The following CDK5RAP2 variants were observed in gnomAD, a reference collection of about 807,000 sequenced individuals.
CDK5RAP2 encodes CDK5 regulatory subunit associated protein 2.
Under a neutral mutation model 232.9 loss-of-function variants are expected in CDK5RAP2, and 147 were observed. The ratio of observed to expected loss-of-function variants is 0.63; its 90% CI spans 0.55 to 0.72. The LOEUF (loss-of-function observed/expected upper bound fraction) is 0.72. CDK5RAP2 is among the 30% of genes least tolerant of loss of function. CDK5RAP2 has a pLI of 0.00. For synonymous variants in CDK5RAP2, 833 were observed against 833.7 expected (o/e 1.00, Z 0.01); for missense variants, 2,195 against 2,231.5 (o/e 0.98, Z 0.33).
intron 26 of CDK5RAP2, 83 bp downstream of exon 26, chr9:120,422,610 G>A: frequency 9.6e-7 from 1 of 1,045,180 alleles, no homozygotes; most frequent in Non-Finnish European, 1.5e-6. Context: ...GAATGGGAAG[G>A]AGCCAAAATA....
intron 22 of CDK5RAP2, 107 bp from the exon 23 acceptor site, chr9:120,443,849 C>T (rs2036038567): frequency 5.5e-6 from 8 of 1,449,642 alleles, no homozygotes; most frequent in Non-Finnish European, 7.6e-6. Context: ...AATAAAAACA[C>T]TGGGGAGGCA....
intron 7 of CDK5RAP2, among the ~76,000 whole-genome samples, chr9:120,535,881 T>C (rs1444494275): frequency 6.6e-6 from 1 of 152,216 alleles, no homozygotes; most frequent in Non-Finnish European, 1.5e-5. Flanking sequence ...TTAAAAGATA[T>C]AATGGAATAT....
At chr9:120,487,266 G>C in intron 14 of CDK5RAP2, 28 bp downstream of exon 14, 1 of 1,613,054 alleles carries the variant, frequency 6.2e-7, no homozygotes, top group Non-Finnish European at 8.5e-7. Flanking sequence ...CCATTCGCAT[G>C]TGAATGTCCA....
chr9:120,579,536 T>C (rs1330555968), intron 1 of CDK5RAP2, among the ~76,000 whole-genome samples: 2 of 152,048 alleles, frequency 1.3e-5, no homozygotes, highest in Non-Finnish European at 2.9e-5. Context: ...GGCTACACTC[T>C]CTCCATAATG....
intron 5 of CDK5RAP2, among the ~76,000 whole-genome samples, chr9:120,539,891 C>T (rs1350366977): frequency 1.3e-5 from 2 of 152,176 alleles, no homozygotes; most frequent in Non-Finnish European, 2.9e-5. Flanking sequence ...GGGCAGAGAG[C>T]TGGTCTGACA....
Position 120,529,962 on chromosome 9 carries a change from T to A in CDK5RAP2, c.825+16A>T. 6.2e-7 allele frequency: 1 copy of A among 1,613,408 alleles called. No individual in the cohort carries two copies. Among genetic ancestry groups the A allele is most frequent in the Non-Finnish European group, 8.5e-7 (1 of 1,179,642 alleles). On this transcript the variant is annotated intron_variant, in intron 8 of 37. Transcript: ENST00000349780. The stretch of plus-strand genomic sequence containing the variant: ...TTGGCTAATTAAAGCCCCCTCTTCA[T>A]GTCCTGTCACCTCACCTCAGTTTCT...
At chr9:120,517,963 CAA>C in intron 12 of CDK5RAP2, 6 of 216,936 alleles carry the variant, frequency 2.8e-5, no homozygotes, top group Non-Finnish European at 5.8e-5. Context: ...AGTCATAAGG[CAA>C]AAAAAAAGTA....
chr9:120,488,771 G>A (rs577905364), intron 13 of CDK5RAP2, among the ~76,000 whole-genome samples: 6 of 152,174 alleles, frequency 3.9e-5, no homozygotes, highest in Non-Finnish European at 8.8e-5. Flanking sequence ...TAGCCATATG[G>A]TGTTCCGTGA....
chr9:120,528,627 T>G, intron 9 of CDK5RAP2, 117 bp downstream of exon 9: 1 of 734,178 alleles, frequency 1.4e-6, no homozygotes, highest in Non-Finnish European at 2.5e-6. Context: ...TGGCATACAG[T>G]AGCATTCAAT....
At chr9:120,551,502 GA>G (rs1321700001) in intron 3 of CDK5RAP2, among the ~76,000 whole-genome samples, 2 of 152,154 alleles carry the variant, frequency 1.3e-5, no homozygotes, top group Non-Finnish European at 2.9e-5. Flanking sequence ...TTTTCCTCCT[GA>G]AATAAATCAA....
Position 120,402,921 on chromosome 9 carries a change from A to G in CDK5RAP2, c.5192T>C (p.Ile1731Thr), listed in dbSNP as rs1469517516. 3 of 1,614,010 alleles carry G rather than the reference A, an allele frequency of 1.9e-6. No individual in the cohort carries two copies. The highest frequency in any genetic ancestry group is 1.7e-5 in the Admixed American group (1 of 60,006). The change falls in exon 34 of 38, where the codon ATT (isoleucine) becomes ACT (threonine). Residue 1731 changes from isoleucine to threonine, a missense_variant. Coordinates refer to ENST00000349780, the MANE Select transcript of CDK5RAP2 (RefSeq NM_018249.6). ...SKNGRHVLGL[I>T]EDYEALLKQI... ...TTTGAGCAGGGCCTCATAGTCCTCA[A>G]TCAGGCCCAGGACATGGCGGCCATT...
chr9:120,547,470 G>A (rs901973347), intron 4 of CDK5RAP2, among the ~76,000 whole-genome samples: 1 of 152,056 alleles, frequency 6.6e-6, no homozygotes, highest in Non-Finnish European at 1.5e-5. Context: ...CAGGAGTGGT[G>A]GCACATGCCT....
chr9:120,467,861 T>C lies in CDK5RAP2; in HGVS notation c.2105A>G (p.Glu702Gly), dbSNP rs752969694. Residue 702 changes from glutamate (E) to glycine (G), a missense_variant and splice_region_variant, in exon 18 of 38, where the codon GAG (glutamate) becomes GGG (glycine). Coordinates refer to ENST00000349780, the MANE Select transcript of CDK5RAP2 (RefSeq NM_018249.6). Reference sequence around the variant, plus strand: ...CATGACAACAAAAATGTTTCTTACCTCTGTTTGTTCTGTAGACGCAAGTCT... The same window carrying C: ...CATGACAACAAAAATGTTTCTTACCCCTGTTTGTTCTGTAGACGCAAGTCT... ...PDRLASTEQTELLASKEDEDT... is the reference protein window; with the variant it reads ...PDRLASTEQTGLLASKEDEDT... 6.2e-7 allele frequency: 1 copy of C among 1,613,990 alleles called. No individual in the cohort carries two copies. The highest frequency in any genetic ancestry group is 2.2e-5 in the East Asian group (1 of 44,888).
At chr9:120,486,892 T>C (rs966277495) in intron 14 of CDK5RAP2, among the ~76,000 whole-genome samples, 1 of 152,114 alleles carries the variant, frequency 6.6e-6, no homozygotes, top group Non-Finnish European at 1.5e-5. Flanking sequence ...TATAAGAAAT[T>C]TGCTATTGCT....
Position 120,580,096 on chromosome 9 carries a change from G to A in CDK5RAP2, c.-118C>T. ...CCCCCTCCACCCCAGCTCTTGTTCA[G>A]ACTCTGGCGGCGCCGCTGGAATTCA... is the stretch of plus-strand genomic sequence containing the variant. On this transcript the variant is annotated 5_prime_UTR_variant, in exon 1 of 38. Transcript: ENST00000349780. 2 of 615,218 alleles carry A rather than the reference G, an allele frequency of 3.3e-6. No individual in the cohort carries two copies. Among genetic ancestry groups the A allele is most frequent in the Non-Finnish European group, 5.9e-6 (2 of 340,188 alleles). The allele number at this position is 615,218 out of a possible 1,614,324, so 38.1% of individuals were successfully genotyped here.
At chr9:120,417,666 C>A (rs757820066) in intron 27 of CDK5RAP2, among the ~76,000 whole-genome samples, 2 of 152,136 alleles carry the variant, frequency 1.3e-5, no homozygotes, top group Non-Finnish European at 2.9e-5. Context: ...AATTATACAG[C>A]CAAACTGAAG....
At chr9:120,406,393 G>A (rs1006267795) in intron 32 of CDK5RAP2, 2 of 152,824 alleles carry the variant, frequency 1.3e-5, no homozygotes, top group African/African-American at 4.8e-5. Flanking sequence ...CTTTGGGCAA[G>A]CCCCATCCAC....
At chr9:120,434,207 T>C (rs186858904) in intron 25 of CDK5RAP2, among the ~76,000 whole-genome samples, 8 of 152,204 alleles carry the variant, frequency 5.3e-5, no homozygotes, top group Non-Finnish European at 1.0e-4. Context: ...GTTAATATGA[T>C]GACATTTGAG....
rs115490219 is a variant in CDK5RAP2 at position 120,535,859 on chromosome 9, C to T, written c.662+513G>A. 2.2e-3 allele frequency among the ~76,000 whole-genome samples: 337 copies of T among 152,244 alleles called. 2 individuals are homozygous for T. Among genetic ancestry groups the T allele is most frequent in the African/African-American group, 7.5e-3 (313 of 41,534 alleles). On this transcript the variant is annotated intron_variant, in intron 7 of 37. Coordinates refer to ENST00000349780, the MANE Select transcript of CDK5RAP2 (RefSeq NM_018249.6). ...ACACCTTGCCCTGTACTCATTTGGG[C>T]CTTGGGCTGCATTAAAAGATATAAT... is the stretch of plus-strand genomic sequence containing the variant.
Sources: gnomAD v4.1 joint callset for allele counts (sites outside exome capture counted in the v4.1 genomes callset) on GRCh38, gnomAD v4.1.1 for gene constraint, MANE v1.5 for transcripts, NCBI Gene and HGNC (gene_info 2026-07-23, HGNC 2026-07-21) for gene names.